Variants in SLC25A48 observed in about 807,000 individuals in gnomAD.
SLC25A48 encodes solute carrier family 25 member 48, also known as CTC-321K16.1.
A neutral mutation model predicts 32.2 loss-of-function variants in SLC25A48; 29 were observed. The ratio of observed to expected loss-of-function variants is 0.90; its 90% CI spans 0.67 to 1.23. The LOEUF is 1.23. Among genes scored for constraint, SLC25A48 ranks in the 50% most tolerant of loss-of-function variants. The pLI, the probability that SLC25A48 is intolerant of heterozygous loss-of-function variation, is 0.00. For synonymous variants in SLC25A48, 164 were observed against 172.3 expected (o/e 0.95, Z 0.38); for missense variants, 399 against 422.7 (o/e 0.94, Z 0.49).
At chr5:135,846,410 G>A (rs182954086) in intron 2 of SLC25A48, among the ~76,000 whole-genome samples, 3 of 152,252 alleles carry the variant, frequency 2.0e-5, no homozygotes, top group Admixed American at 2.0e-4. Flanking sequence ...ACAATTCTAG[G>A]CTGCCCCCTC....
intron 4 of SLC25A48, among the ~76,000 whole-genome samples, chr5:135,868,525 A>G (rs1305364255): frequency 6.6e-6 from 1 of 152,214 alleles, no homozygotes; most frequent in African/African-American, 2.4e-5. Flanking sequence ...CTATAGTTAT[A>G]TAAGACAATA....
At chr5:135,611,516 A>AAAAAAAAAAAAG in intron 1 of SLC25A48, among the ~76,000 whole-genome samples, 1 of 147,748 alleles carries the variant, frequency 6.8e-6, no homozygotes, top group East Asian at 2.0e-4. Flanking sequence ...AAAAAAAAAA[A>AAAAAAAAAAAAG]AAAAAAAAAA....
At chr5:135,600,691 A>T (rs751924346) in intron 1 of SLC25A48, among the ~76,000 whole-genome samples, 2 of 150,388 alleles carry the variant, frequency 1.3e-5, no homozygotes, top group Non-Finnish European at 1.5e-5. Context: ...TTATTTATTT[A>T]TTTTTTTTTG....
chr5:135,844,512 G>T (rs540608610), intron 2 of SLC25A48, among the ~76,000 whole-genome samples: 2 of 152,310 alleles, frequency 1.3e-5, no homozygotes, highest in African/African-American at 4.8e-5. Context: ...TTGGAACCAC[G>T]CAGGCTCTAG....
At chr5:135,831,327 G>A (rs714090), upstream of SLC25A48, among the ~76,000 whole-genome samples, 8 of 152,216 alleles carry the variant, frequency 5.3e-5, no homozygotes, top group South Asian at 8.3e-4. Context: ...AAGGCCCAGC[G>A]GACTAAGCAG....
chr5:135,807,181 G>A (rs1481895529), intron 3 of SLC25A48, among the ~76,000 whole-genome samples: 2 of 150,028 alleles, frequency 1.3e-5, no homozygotes, highest in Non-Finnish European at 3.0e-5. Context: ...AAATATCATG[G>A]ATATTTTATT....
At chr5:135,730,053 T>C (rs1755189075) in intron 3 of SLC25A48, among the ~76,000 whole-genome samples, 1 of 152,110 alleles carries the variant, frequency 6.6e-6, no homozygotes, top group Non-Finnish European at 1.5e-5. Flanking sequence ...TATAAAGAGG[T>C]TGCAGGCAAG....
chr5:135,651,874 A>T (rs1157648253), intron 3 of SLC25A48, among the ~76,000 whole-genome samples: 1 of 152,194 alleles, frequency 6.6e-6, no homozygotes, highest in Admixed American at 6.5e-5. Context: ...AAGGAGCAGG[A>T]TTGGAAGATT....
chr5:135,825,640 G>C (rs982799767), intron 4 of SLC25A48: 2 of 152,608 alleles, frequency 1.3e-5, no homozygotes, highest in African/African-American at 4.8e-5. Context: ...TGACCTTCCT[G>C]TTCCTTCATA....
At chr5:135,636,343 G>C (rs1752704993) in intron 3 of SLC25A48, among the ~76,000 whole-genome samples, 1 of 152,188 alleles carries the variant, frequency 6.6e-6, no homozygotes, top group African/African-American at 2.4e-5. Context: ...TAAGTATTTT[G>C]TTCCATGAGA....
At chr5:135,765,338 G>T (rs1756184181) in intron 3 of SLC25A48, among the ~76,000 whole-genome samples, 1 of 151,168 alleles carries the variant, frequency 6.6e-6, no homozygotes, top group South Asian at 2.1e-4. Context: ...GTGTGATATG[G>T]TTCTTAATAT....
chr5:135,745,354 C>T (rs915129298), intron 3 of SLC25A48, among the ~76,000 whole-genome samples: 4 of 152,188 alleles, frequency 2.6e-5, no homozygotes, highest in South Asian at 2.1e-4. Context: ...CGGTTTTCCA[C>T]CCAGGGTGGG....
intron 3 of SLC25A48, among the ~76,000 whole-genome samples, chr5:135,739,956 G>A (rs1755462590): frequency 6.6e-6 from 1 of 152,134 alleles, no homozygotes; most frequent in South Asian, 2.1e-4. Flanking sequence ...CTCACAAGTG[G>A]TTACTTGCAA....
chr5:135,708,634 C>G (rs1468835917), intron 3 of SLC25A48, among the ~76,000 whole-genome samples: 1 of 152,228 alleles, frequency 6.6e-6, no homozygotes, highest in Non-Finnish European at 1.5e-5. Flanking sequence ...TGGACCACAG[C>G]TGGGTTCGAG....
intron 1 of SLC25A48, among the ~76,000 whole-genome samples, chr5:135,579,768 A>G (rs1751190885): frequency 6.6e-6 from 1 of 152,220 alleles, no homozygotes; most frequent in African/African-American, 2.4e-5. Context: ...AGCCAGGTAG[A>G]GAGCCCTAGT....
chr5:135,886,362 A>C, intron 7 of SLC25A48, among the ~76,000 whole-genome samples: 1 of 123,454 alleles, frequency 8.1e-6, no homozygotes, highest in African/African-American at 3.2e-5. Flanking sequence ...CTGCACCTTC[A>C]CTCCCACTCA....
At chr5:135,593,728 C>T (rs934055299) in intron 1 of SLC25A48, among the ~76,000 whole-genome samples, 10 of 152,174 alleles carry the variant, frequency 6.6e-5, no homozygotes, top group African/African-American at 1.9e-4. Context: ...AGATCTTGTA[C>T]TTAGATTATG....
At position 135,872,179 on chromosome 5, in the gene SLC25A48, A is replaced by G. The variant is rs1298168241; in HGVS notation, c.679+461A>G. ...AGCTGACAGTATAGCAGGACTCTGCAGTCAGAAAGATTTAAGTTCAAATCC... is the reference window on the plus strand; with the variant it reads ...AGCTGACAGTATAGCAGGACTCTGCGGTCAGAAAGATTTAAGTTCAAATCC... On this transcript the variant is annotated intron_variant, in intron 5 of 7. Transcript: ENST00000681962. 8.2e-6 allele frequency: 3 copies of G among 365,814 alleles called. No homozygotes were observed. In the East Asian group the frequency reaches 1.4e-4, roughly 17 times the overall value. The allele number at this position is 365,814 out of a possible 1,614,324, so 22.7% of individuals were successfully genotyped here.
chr5:135,877,448 C>T (rs1428084133), intron 6 of SLC25A48, among the ~76,000 whole-genome samples: 1 of 151,506 alleles, frequency 6.6e-6, no homozygotes, highest in Non-Finnish European at 1.5e-5. Context: ...AATCTGGAGC[C>T]TTCCTGTCAC....
Sources: gnomAD v4.1 joint callset for allele counts (sites outside exome capture counted in the v4.1 genomes callset) on GRCh38, gnomAD v4.1.1 for gene constraint, MANE v1.5 for transcripts, NCBI Gene and HGNC (gene_info 2026-07-23, HGNC 2026-07-21) for gene names.